Variants in CTNNBL1 observed in about 807,000 individuals in gnomAD.
The protein encoded by CTNNBL1 is catenin beta like 1.
In CTNNBL1, 31 loss-of-function variants were observed where a neutral mutation model predicts 72.7. The ratio of observed to expected loss-of-function variants is 0.43; its 90% CI spans 0.32 to 0.58. The LOEUF (loss-of-function observed/expected upper bound fraction) is 0.58. Among genes scored for constraint, CTNNBL1 ranks in the 20% least tolerant of loss-of-function variants. The probability of loss-of-function intolerance (pLI) is 0.08; values close to 1 mark genes in which losing one functional copy is unlikely to be tolerated. For missense variants in CTNNBL1, 534 were observed against 725.1 expected, an observed-to-expected ratio of 0.74 and a Z score of 3.03; for synonymous variants, 240 against 267.3, an observed-to-expected ratio of 0.90 and a Z score of 1.00.
intron 3 of CTNNBL1, among the ~76,000 whole-genome samples, chr20:37,745,078 G>C (rs914364879): frequency 3.0e-4 from 46 of 151,938 alleles, no homozygotes; most frequent in Admixed American, 1.4e-3. Context: ...TTCTTTCTCC[G>C]GTTTTCTACA....
At chr20:37,712,483 A>G (rs1428696636) in intron 1 of CTNNBL1, among the ~76,000 whole-genome samples, 1 of 152,208 alleles carries the variant, frequency 6.6e-6, no homozygotes, top group African/African-American at 2.4e-5. Flanking sequence ...ACAGTGGGTA[A>G]TTAAGGGGGC....
At chr20:37,779,532 A>G (rs144969160) in intron 10 of CTNNBL1, among the ~76,000 whole-genome samples, 197 bp downstream of exon 10, 1 of 152,218 alleles carries the variant, frequency 6.6e-6, no homozygotes, top group African/African-American at 2.4e-5. Flanking sequence ...TAGATGAATA[A>G]AAAGTATATT....
chr20:37,736,196 A>G (rs1018965919), intron 2 of CTNNBL1, among the ~76,000 whole-genome samples: 3 of 152,162 alleles, frequency 2.0e-5, no homozygotes, highest in African/African-American at 7.2e-5. Flanking sequence ...ATTCCTTCTC[A>G]GCATCTAGTA....
intron 1 of CTNNBL1, among the ~76,000 whole-genome samples, chr20:37,701,726 T>C (rs1011479879): frequency 2.0e-5 from 3 of 152,118 alleles, no homozygotes; most frequent in African/African-American, 7.2e-5. Context: ...AAGCATAGGG[T>C]AAATGCAGCA....
intron 9 of CTNNBL1, 94 bp downstream of exon 9, chr20:37,777,806 G>A: frequency 7.8e-7 from 1 of 1,290,240 alleles, no homozygotes; most frequent in Admixed American, 1.7e-5. Flanking sequence ...AATAAGCCAT[G>A]TGCTGCAAGC....
At chr20:37,741,999 A>G (rs1013386490) in intron 3 of CTNNBL1, among the ~76,000 whole-genome samples, 1 of 151,680 alleles carries the variant, frequency 6.6e-6, no homozygotes, top group African/African-American at 2.4e-5. Context: ...TTTTTTTTTA[A>G]TGTCATCCTT....
At chr20:37,805,252 A>G (rs1568789023) in intron 11 of CTNNBL1, among the ~76,000 whole-genome samples, 1 of 152,186 alleles carries the variant, frequency 6.6e-6, no homozygotes, top group Non-Finnish European at 1.5e-5. Flanking sequence ...GTGGCCTCAG[A>G]CCATCAGGAA....
chr20:37,831,578 G>A (rs755137615), intron 11 of CTNNBL1, among the ~76,000 whole-genome samples: 11 of 152,000 alleles, frequency 7.2e-5, no homozygotes, highest in Non-Finnish European at 1.5e-4. Flanking sequence ...ATGTTAGCCC[G>A]GGTGGTCTCG....
At chr20:37,758,881 G>C (rs142459775) in intron 5 of CTNNBL1, among the ~76,000 whole-genome samples, 338 of 152,276 alleles carry the variant, frequency 2.2e-3, no homozygotes, top group African/African-American at 7.6e-3. Flanking sequence ...GGCTGGGCCT[G>C]GGGTCCCAGA....
At chr20:37,742,133 T>A (rs2073222005) in intron 3 of CTNNBL1, among the ~76,000 whole-genome samples, 1 of 152,236 alleles carries the variant, frequency 6.6e-6, no homozygotes, top group South Asian at 2.1e-4. Flanking sequence ...TTATATGAGA[T>A]GTATCTAGAC....
At chr20:37,797,109 AT>A (rs2073782635) in intron 10 of CTNNBL1, among the ~76,000 whole-genome samples, 1 of 151,878 alleles carries the variant, frequency 6.6e-6, no homozygotes, top group African/African-American at 2.4e-5. Flanking sequence ...TTATTTATTT[AT>A]TTTTTGTTTC....
At chr20:37,765,723 G>C (rs911779982) in intron 6 of CTNNBL1, among the ~76,000 whole-genome samples, 2 of 151,242 alleles carry the variant, frequency 1.3e-5, no homozygotes, top group African/African-American at 4.9e-5. Context: ...CATTTTATTT[G>C]AAAAAGAGTT....
intron 13 of CTNNBL1, among the ~76,000 whole-genome samples, chr20:37,851,319 T>C (rs1342213503): frequency 2.7e-5 from 4 of 150,010 alleles, no homozygotes; most frequent in South Asian, 4.2e-4. Flanking sequence ...ATCTCTCTCT[T>C]TTTTTTTTTT....
At chr20:37,856,379 G>A (rs1298873413) in intron 13 of CTNNBL1, among the ~76,000 whole-genome samples, 2 of 152,146 alleles carry the variant, frequency 1.3e-5, no homozygotes, top group African/African-American at 4.8e-5. Context: ...TACAAATCCA[G>A]GGTGTAGGGG....
intron 10 of CTNNBL1, among the ~76,000 whole-genome samples, chr20:37,791,259 A>G (rs536046501): frequency 6.6e-6 from 1 of 152,326 alleles, no homozygotes; most frequent in East Asian, 1.9e-4. Context: ...GCTCTTAGGT[A>G]AATACTTAGT....
At chr20:37,845,534 G>T (rs1051538588) in intron 13 of CTNNBL1, among the ~76,000 whole-genome samples, 4 of 152,294 alleles carry the variant, frequency 2.6e-5, no homozygotes, top group African/African-American at 7.2e-5. Context: ...TCAGTGTTAC[G>T]CAGAGAGCCA....
At chr20:37,801,197 T>A (rs140249519) in intron 10 of CTNNBL1, among the ~76,000 whole-genome samples, 404 of 152,304 alleles carry the variant, frequency 2.7e-3, no homozygotes, top group African/African-American at 9.2e-3. Context: ...TGGGGAAAAT[T>A]ATATGCTGAT....
intron 1 of CTNNBL1, among the ~76,000 whole-genome samples, chr20:37,701,927 TTGTACG>T (rs1333573567): frequency 6.9e-6 from 1 of 145,108 alleles, no homozygotes; most frequent in African/African-American, 2.7e-5. Context: ...GCGTAATACA[TTGTACG>T]CTCATCTCAG....
intron 1 of CTNNBL1, among the ~76,000 whole-genome samples, chr20:37,703,808 G>A (rs1328465353): frequency 2.7e-5 from 4 of 149,050 alleles, no homozygotes; most frequent in Admixed American, 1.3e-4. Context: ...TTTTGAGACA[G>A]AGTTTTGCTC....
Sources: gnomAD v4.1 joint callset for allele counts (sites outside exome capture counted in the v4.1 genomes callset) on GRCh38, gnomAD v4.1.1 for gene constraint, MANE v1.5 for transcripts, NCBI Gene and HGNC (gene_info 2026-07-23, HGNC 2026-07-21) for gene names.